Variants in SPDYE17 observed in about 807,000 individuals in gnomAD.
SPDYE17 encodes the protein speedy protein E17.
For synonymous variants in SPDYE17, 4 were observed against 14.8 expected, an observed-to-expected ratio of 0.27 and a Z score of 1.68; for missense variants, 7 against 38.0, an observed-to-expected ratio of 0.18 and a Z score of 2.15.
intron 5 of SPDYE17, among the ~76,000 whole-genome samples, chr7:77,026,455 A>G (rs1398802598): frequency 1.3e-5 from 2 of 149,066 alleles, no homozygotes; most frequent in East Asian, 4.3e-4. Flanking sequence ...AGCAGGGAGC[A>G]TTTGACAGTG....
chr7:77,027,827 C>T (rs961720742), intron 4 of SPDYE17, among the ~76,000 whole-genome samples: 8 of 128,828 alleles, frequency 6.2e-5, no homozygotes, highest in African/African-American at 1.1e-4. Flanking sequence ...AAAACCCCGT[C>T]TCTACTAAAA....
intron 2 of SPDYE17, among the ~76,000 whole-genome samples, chr7:77,030,082 T>TC (rs1284194465): frequency 1.7e-4 from 12 of 69,036 alleles, no homozygotes; most frequent in East Asian, 1.1e-3. Context: ...TGTTTCTTCT[T>TC]TTTTTTTTTT....
rs1350816206 is a variant in SPDYE17, at chr7:77,029,864, G to A, written c.131-413C>T. On this transcript the variant is annotated intron_variant, in intron 2 of 7. Transcript: ENST00000671986. ...TGGGATTACAGGTGCCTGCCATAATGCCCAGCTCAATTTTGTACTTTTAAT... is the reference window on the plus strand; with the variant it reads ...TGGGATTACAGGTGCCTGCCATAATACCCAGCTCAATTTTGTACTTTTAAT... 3.9e-5 allele frequency among the ~76,000 whole-genome samples: 5 copies of A among 127,462 alleles called. 1 individual carries two copies. The highest frequency in any genetic ancestry group is 4.8e-5 in the Non-Finnish European group (3 of 61,902). The allele number at this position is 127,462 out of a possible 152,430, so 83.6% of individuals were successfully genotyped here. A position where few individuals can be genotyped will look rare whatever the true frequency, so the allele number is the denominator to read the frequency against.
In SPDYE17 at chr7:77,027,920, A is replaced by T. The variant is rs970051630; in HGVS notation, c.408+222T>A. ...TGAGGTGGGAGAATCGCTTGAACCC[A>T]GGAGGCATCAGCTGCAGTGAGTCAA... On this transcript the variant is annotated intron_variant, in intron 4 of 7. Coordinates refer to ENST00000671986, the MANE Select transcript of SPDYE17 (RefSeq NM_001351351.3). Among the ~76,000 whole-genome samples, 32 of 131,100 alleles carry T rather than the reference A, an allele frequency of 2.4e-4. 2 individuals are homozygous for T. The highest frequency in any genetic ancestry group is 8.6e-4 in the African/African-American group (32 of 37,334). The allele number at this position is 131,100 out of a possible 152,430, so 86.0% of individuals were successfully genotyped here.
chr7:77,027,779 T>C (rs1789456262), intron 4 of SPDYE17, among the ~76,000 whole-genome samples: 1 of 127,900 alleles, frequency 7.8e-6, no homozygotes, highest in Non-Finnish European at 1.6e-5. Context: ...GTGGATCACC[T>C]GAGGTCAGGT....
intron 2 of SPDYE17, among the ~76,000 whole-genome samples, chr7:77,029,748 C>T (rs556211973): frequency 1.4e-4 from 14 of 99,886 alleles, no homozygotes; most frequent in African/African-American, 5.3e-4. Context: ...GCTTTGTCAC[C>T]CAGGCTGGAG....
chr7:77,029,726 A>C (rs1198567418), intron 2 of SPDYE17, among the ~76,000 whole-genome samples: 1 of 35,860 alleles, frequency 2.8e-5, no homozygotes, highest in Non-Finnish European at 4.1e-5. Flanking sequence ...TTTTGTTTCG[A>C]GACAGAATCT....
In SPDYE17 at chr7:77,022,808, A is replaced by G. The variant is rs1789390020; in HGVS notation, c.*1025T>C. Among the ~76,000 whole-genome samples, 1 of 121,712 alleles carries G rather than the reference A, an allele frequency of 8.2e-6. No individual in the cohort carries two copies. The highest frequency in any genetic ancestry group is 2.7e-5 in the African/African-American group (1 of 36,566). The allele number at this position is 121,712 out of a possible 152,430, so 79.8% of individuals were successfully genotyped here. On this transcript the variant is annotated 3_prime_UTR_variant, in exon 8 of 8. Transcript: ENST00000671986. ...TAAAATAATATTTAAAGTAATAATA[A>G]TATTTAAATAAATAAATATATTTAA...
At chr7:77,032,210 CAA>C (rs1238120887) in intron 1 of SPDYE17, among the ~76,000 whole-genome samples, 28 bp downstream of exon 1, 8 of 76,202 alleles carry the variant, frequency 1.0e-4, no homozygotes, top group South Asian at 5.1e-4. Flanking sequence ...AACTACATCT[CAA>C]AAAAAAAAAA....
At chr7:77,026,163 CAT>C (rs1273674457) in intron 5 of SPDYE17, among the ~76,000 whole-genome samples, 1 of 137,952 alleles carries the variant, frequency 7.2e-6, no homozygotes, top group East Asian at 2.7e-4. Flanking sequence ...TTCAGAGCCA[CAT>C]GTGTGCGGGA....
chr7:77,030,080 CTTTTTTTT>C lies in SPDYE17; in HGVS notation c.130+353_130+360del, dbSNP rs761251656. Among the ~76,000 whole-genome samples, 2 of 45,312 alleles carry C rather than the reference CTTTTTTTT, an allele frequency of 4.4e-5. 1 individual carries two copies. The highest frequency in any genetic ancestry group is 6.0e-4 in the Admixed American group (2 of 3,324). The allele number at this position is 45,312 out of a possible 152,430, so 29.7% of individuals were successfully genotyped here. ...ACCTCTGACCCTTCTTTTGTTTCTT[CTTTTTTTT>C]TTTTTTTTTTTTTGAGATAGCATGT... On this transcript the variant is annotated intron_variant, in intron 2 of 7. Coordinates refer to ENST00000671986, the MANE Select transcript of SPDYE17 (RefSeq NM_001351351.3).
At chr7:77,026,480 A>G (rs1210433878) in intron 5 of SPDYE17, among the ~76,000 whole-genome samples, 10 of 149,724 alleles carry the variant, frequency 6.7e-5, no homozygotes, top group African/African-American at 2.4e-4. Flanking sequence ...CGAGTGATGC[A>G]AGGGGGACCT....
intron 5 of SPDYE17, chr7:77,025,790 G>A (rs1398258771): frequency 1.4e-5 from 2 of 142,694 alleles, no homozygotes; most frequent in Non-Finnish European, 3.0e-5. Flanking sequence ...AACTGTCCAG[G>A]TGTGGTGGTA....
Position 77,031,866 on chromosome 7 carries a change from T to A in SPDYE17, c.-454+374A>T, listed in dbSNP as rs1204523312. On this transcript the variant is annotated intron_variant, in intron 1 of 7. Coordinates refer to ENST00000671986, the MANE Select transcript of SPDYE17 (RefSeq NM_001351351.3). ...AAGACCTTGTGTCAAAAAATTTTTT[T>A]AAATTAAATATAAAAGAGTTTCATG... Among the ~76,000 whole-genome samples the A allele has an allele frequency of 1.2e-4, 6 of 51,194 alleles. 2 individuals carry two copies. The highest frequency in any genetic ancestry group is 1.9e-4 in the Non-Finnish European group (6 of 32,322). The allele number at this position is 51,194 out of a possible 152,430, so 33.6% of individuals were successfully genotyped here. A position where few individuals can be genotyped will look rare whatever the true frequency, so the allele number is the denominator to read the frequency against.
intron 4 of SPDYE17, 56 bp downstream of exon 4, chr7:77,028,086 C>G: frequency 7.3e-7 from 1 of 1,378,422 alleles, no homozygotes; most frequent in Non-Finnish European, 9.6e-7. Flanking sequence ...GAAGCTGCGC[C>G]CTCTCCCTGG....
intron 2 of SPDYE17, among the ~76,000 whole-genome samples, chr7:77,029,716 T>TTTTG (rs1484034634): frequency 3.4e-5 from 3 of 88,678 alleles, no homozygotes; most frequent in Non-Finnish European, 6.3e-5. Flanking sequence ...TTTTTTTTTT[T>TTTTG]TTTGTTTCGA....
At chr7:77,025,428 T>C (rs1789415387) in intron 5 of SPDYE17, 1 of 189,532 alleles carries the variant, frequency 5.3e-6, no homozygotes, top group African/African-American at 3.1e-5. Flanking sequence ...CTGGGCAACA[T>C]AGCAAGACCC....
intron 2 of SPDYE17, among the ~76,000 whole-genome samples, chr7:77,030,056 C>T (rs1331871402): frequency 3.8e-5 from 4 of 104,574 alleles, no homozygotes; most frequent in African/African-American, 1.5e-4. Flanking sequence ...TCCTTCCTGA[C>T]CTCTGACCCT....
In SPDYE17 at chr7:77,027,855, G is replaced by A. The variant is rs533715464; in HGVS notation, c.408+287C>T. On this transcript the variant is annotated intron_variant, in intron 4 of 7. Coordinates refer to ENST00000671986, the MANE Select transcript of SPDYE17 (RefSeq NM_001351351.3). ...TACTAAAAACACAAAAATTAGCCAGGCATGGTGGTTCATGTTTGTAATCCC... is the reference window on the plus strand; with the variant it reads ...TACTAAAAACACAAAAATTAGCCAGACATGGTGGTTCATGTTTGTAATCCC... Among the ~76,000 whole-genome samples the A allele has an allele frequency of 9.0e-4, 118 of 131,074 alleles. 11 individuals carry two copies. Among genetic ancestry groups the A allele is most frequent in the African/African-American group, 3.1e-3 (114 of 37,372 alleles). 86.0% of individuals were successfully genotyped at this position (131,074 alleles called of 152,430 possible).
Sources: gnomAD v4.1 joint callset for allele counts (sites outside exome capture counted in the v4.1 genomes callset) on GRCh38, gnomAD v4.1.1 for gene constraint, MANE v1.5 for transcripts, NCBI Gene and HGNC (gene_info 2026-07-23, HGNC 2026-07-21) for gene names.